OR2M4: variants seen among roughly 807,000 people sequenced by gnomAD.
OR2M4 encodes olfactory receptor 2M4.
OR2M4 carries 8 observed loss-of-function variants against 13.7 expected under a neutral mutation model. The observed-to-expected ratio is 0.58, with a 90% confidence interval of 0.34 to 1.05. The LOEUF is 1.05. OR2M4 is among the 50% of genes least tolerant of loss of function. The pLI, the probability that OR2M4 is intolerant of heterozygous loss-of-function variation, is 0.02. For synonymous variants in OR2M4, 152 were observed against 141.3 expected (o/e 1.08, Z -0.53); for missense variants, 374 against 381.6 (o/e 0.98, Z 0.17).
At chr1:248,236,777 C>G (rs1410018398) in intron 1 of OR2M4, among the ~76,000 whole-genome samples, 1 of 152,078 alleles carries the variant, frequency 6.6e-6, no homozygotes. Context: ...TCTGAGAATA[C>G]TATTAACACC....
At position 248,239,736 on chromosome 1, in the gene OR2M4, C is replaced by G. The variant is rs1232482703; in HGVS notation, c.808C>G (p.Gln270Glu). ...MRPASKHTPDQDKMVSAFYTI... is the reference protein window; with the variant it reads ...MRPASKHTPDEDKMVSAFYTI... ...ACCAGCTTCTAAACATACGCCAGAC[C>G]AGGACAAGATGGTGTCGGCCTTCTA... The change falls in exon 2 of 2, where the codon CAG becomes GAG. Residue 270 changes from glutamine to glutamate, a missense_variant. Coordinates refer to ENST00000641868, the MANE Select transcript of OR2M4 (RefSeq NM_017504.2). 2 of 1,614,068 alleles carry G rather than the reference C, an allele frequency of 1.2e-6. No individual in the cohort carries two copies. The highest frequency in any genetic ancestry group is 3.3e-5 in the Admixed American group (2 of 60,006).
At position 248,239,768 on chromosome 1, in the gene OR2M4, T is replaced by C; in HGVS notation, c.840T>C (p.Ile280=). ...QDKMVSAFYT[I]LTPMLNPLIY... is the part of the protein sequence containing the mutation. ...AGATGGTGTCGGCCTTCTACACTAT[T>C]CTCACCCCTATGCTGAACCCTCTCA... Residue 280 remains isoleucine, a synonymous_variant, in exon 2 of 2, where the codon ATT becomes ATC. Transcript: ENST00000641868. The C allele has an allele frequency of 6.2e-7, 1 of 1,614,100 alleles. No homozygotes were observed. Among genetic ancestry groups the C allele is most frequent in the Non-Finnish European group, 8.5e-7 (1 of 1,180,006 alleles).
intron 1 of OR2M4, among the ~76,000 whole-genome samples, chr1:248,234,987 G>A (rs113890241): frequency 0.034 from 5,227 of 152,088 alleles, 259 homozygotes; most frequent in African/African-American, 0.11. Flanking sequence ...TTATTTTGCT[G>A]TGCAGAAGCC....
rs966552921 is a variant in OR2M4, at chr1:248,242,106, G to T, written c.*2242G>T. ...GCAGAATATATGTGTCGTGGGTACAGTTGCTCAATTTATTCAATTTATACT... is the reference window on the plus strand; with the variant it reads ...GCAGAATATATGTGTCGTGGGTACATTTGCTCAATTTATTCAATTTATACT... On this transcript the variant is annotated 3_prime_UTR_variant, in exon 2 of 2. Coordinates refer to ENST00000641868, the MANE Select transcript of OR2M4 (RefSeq NM_017504.2). 1.3e-5 allele frequency: 2 copies of T among 152,088 alleles called. No individual in the cohort carries two copies. Among genetic ancestry groups the T allele is most frequent in the African/African-American group, 2.4e-5 (1 of 41,398 alleles). 9.4% of individuals were successfully genotyped at this position (152,088 alleles called of 1,614,324 possible). A position where few individuals can be genotyped will look rare whatever the true frequency, so the allele number is the denominator to read the frequency against.
Position 248,239,197 on chromosome 1 carries a change from A to C in OR2M4, c.269A>C (p.Lys90Thr). The C allele has an allele frequency of 6.2e-7, 1 of 1,614,168 alleles. No individual in the cohort carries two copies. Among genetic ancestry groups the C allele is most frequent in the Admixed American group, 1.7e-5 (1 of 60,022 alleles). The change falls in exon 2 of 2, where the codon AAA (lysine) becomes ACA (threonine). Residue 90 changes from lysine (K) to threonine (T), a missense_variant. Lys to Thr is a moderately conservative substitution (Grantham distance 78). Coordinates refer to ENST00000641868, the MANE Select transcript of OR2M4 (RefSeq NM_017504.2). Reference protein sequence around the residue: ...KMIFSYLSGKKSISLAGCGTQ... With the variant: ...KMIFSYLSGKTSISLAGCGTQ... The stretch of plus-strand genomic sequence containing the variant: ...ATCTTCAGCTACTTGTCTGGGAAGA[A>C]ATCTATCTCTCTGGCAGGTTGTGGA...
In OR2M4 at chr1:248,239,433, T is replaced by A; in HGVS notation, c.505T>A (p.Cys169Ser). The A allele has an allele frequency of 6.2e-7, 1 of 1,614,180 alleles. No homozygotes were observed. The highest frequency in any genetic ancestry group is 8.5e-7 in the Non-Finnish European group (1 of 1,180,024). ...VLAAVLSFSY[C>S]SSLEIHHFFC... ...TGCAGCTGTCCTGTCATTTTCTTAC[T>A]GCAGCTCTCTGGAAATTCATCACTT... The change falls in exon 2 of 2, where the codon TGC (cysteine) becomes AGC (serine). Residue 169 changes from cysteine to serine, a missense_variant. Cys to Ser is a moderately radical substitution (Grantham distance 112, BLOSUM62 -1). Coordinates refer to ENST00000641868, the MANE Select transcript of OR2M4 (RefSeq NM_017504.2).
rs377184375 is a variant in OR2M4 at position 248,239,357 on chromosome 1, C to T, written c.429C>T (p.Phe143=). 25 of 1,614,086 alleles carry T rather than the reference C, an allele frequency of 1.5e-5. No homozygotes were observed. The East Asian group carries it at 3.1e-4, about 20-fold the overall frequency. The change falls in exon 2 of 2, where the codon TTC becomes TTT. Residue 143 remains phenylalanine (F), a synonymous_variant. Transcript: ENST00000641868. The stretch of plus-strand genomic sequence containing the variant: ...TCATGAATCCGAAACTCTGTGTCTT[C>T]ATGACTGTTGCTTCCTGGACCTTGG... ...TILMNPKLCV[F]MTVASWTLGS...
Position 248,242,191 on chromosome 1 carries a change from A to G in OR2M4, c.*2327A>G, listed in dbSNP as rs1441980250. 1 of 152,184 alleles carries G rather than the reference A, an allele frequency of 6.6e-6. No individual in the cohort carries two copies. The highest frequency in any genetic ancestry group is 1.5e-5 in the Non-Finnish European group (1 of 68,040). The allele number at this position is 152,184 out of a possible 1,614,324, so 9.4% of individuals were successfully genotyped here. A position where few individuals can be genotyped will look rare whatever the true frequency, so the allele number is the denominator to read the frequency against. On this transcript the variant is annotated 3_prime_UTR_variant, in exon 2 of 2. Coordinates refer to ENST00000641868, the MANE Select transcript of OR2M4 (RefSeq NM_017504.2). ...TTATTAATTCAATTAATTAAATTTTATAATACAAAACAGTGAATTTAATGA... is the reference window on the plus strand; with the variant it reads ...TTATTAATTCAATTAATTAAATTTTGTAATACAAAACAGTGAATTTAATGA...
In OR2M4 at chr1:248,239,721, A is replaced by C; in HGVS notation, c.793A>C (p.Lys265Gln). ...GTTCATGTACATGAGACCAGCTTCT[A>C]AACATACGCCAGACCAGGACAAGAT... ...AMFMYMRPAS[K>Q]HTPDQDKMVS... Residue 265 changes from lysine (K) to glutamine (Q), a missense_variant, in exon 2 of 2, where the codon AAA becomes CAA. Physicochemically the swap from Lys to Gln is moderately conservative, Grantham distance 53. Transcript: ENST00000641868. The C allele has an allele frequency of 6.2e-7, 1 of 1,614,076 alleles. No individual in the cohort carries two copies. The highest frequency in any genetic ancestry group is 8.5e-7 in the Non-Finnish European group (1 of 1,180,014).
At chr1:248,234,098 T>C (rs1035398168) in intron 1 of OR2M4, among the ~76,000 whole-genome samples, 13 of 152,146 alleles carry the variant, frequency 8.5e-5, no homozygotes, top group Admixed American at 3.3e-4. Context: ...TTTACTTCAC[T>C]TCACATCTTT....
Position 248,239,134 on chromosome 1 carries a change from T to G in OR2M4, c.206T>G (p.Met69Arg), listed in dbSNP as rs754889964. Residue 69 changes from methionine to arginine, a missense_variant, in exon 2 of 2, where the codon ATG becomes AGG. Physicochemically the swap from Met to Arg is moderately conservative, Grantham distance 91. Transcript: ENST00000641868. ...TTCCTCCTCAGTCAACTGTCCCTTA[T>G]GGACCTCATGCTCATCTGCACCACT... is the stretch of plus-strand genomic sequence containing the variant. The part of the protein sequence containing the change: ...MYFLLSQLSL[M>R]DLMLICTTLP... 9 of 1,614,062 alleles carry G rather than the reference T, an allele frequency of 5.6e-6. No homozygotes were observed. The South Asian group carries it at 8.8e-5, about 16-fold the overall frequency.
At chr1:248,235,408 C>G (rs958079573) in intron 1 of OR2M4, among the ~76,000 whole-genome samples, 7 of 152,072 alleles carry the variant, frequency 4.6e-5, no homozygotes, top group African/African-American at 1.4e-4. Context: ...ATTGCTGTAG[C>G]CTTGTAGTAA....
At chr1:248,238,179 A>G (rs1342445972) in intron 1 of OR2M4, among the ~76,000 whole-genome samples, 1 of 152,234 alleles carries the variant, frequency 6.6e-6, no homozygotes, top group Non-Finnish European at 1.5e-5. Flanking sequence ...GAAACAAAAC[A>G]AGCAAATAAA....
At chr1:248,232,176 G>A (rs1351036826) in intron 1 of OR2M4, among the ~76,000 whole-genome samples, 1 of 152,046 alleles carries the variant, frequency 6.6e-6, no homozygotes, top group African/African-American at 2.4e-5. Flanking sequence ...ATAAAATTCT[G>A]ACAATCAATG....
intron 1 of OR2M4, among the ~76,000 whole-genome samples, chr1:248,237,349 G>A (rs1019261776): frequency 2.0e-5 from 3 of 151,888 alleles, no homozygotes; most frequent in South Asian, 2.1e-4. Flanking sequence ...ATCCAACATC[G>A]CTTCGTGTTA....
rs957205754 is a variant in OR2M4 at position 248,234,771 on chromosome 1, CT to C, written c.-20+3202del. Among the ~76,000 whole-genome samples, 161 of 140,704 alleles carry C rather than the reference CT, an allele frequency of 1.1e-3. 3 individuals carry two copies. Among genetic ancestry groups the C allele is most frequent in the Middle Eastern group, 3.6e-3 (1 of 278 alleles). The allele number at this position is 140,704 out of a possible 152,430, so 92.3% of individuals were successfully genotyped here. On this transcript the variant is annotated intron_variant, in intron 1 of 1. Transcript: ENST00000641868. ...TCTCTAATGATCAGTGATGTTGAGCCTTTTTTTTTTTAATAGGTATGTTGGG... is the reference window on the plus strand; with the variant it reads ...TCTCTAATGATCAGTGATGTTGAGCCTTTTTTTTTTAATAGGTATGTTGGG...
At position 248,244,124 on chromosome 1, in the gene OR2M4, T is replaced by C. The variant is rs1388886206; in HGVS notation, c.*4260T>C. The C allele has an allele frequency of 6.6e-6, 1 of 152,180 alleles. No homozygotes were observed. Among genetic ancestry groups the C allele is most frequent in the Non-Finnish European group, 1.5e-5 (1 of 68,030 alleles). 9.4% of individuals were successfully genotyped at this position (152,180 alleles called of 1,614,324 possible). On this transcript the variant is annotated 3_prime_UTR_variant, in exon 2 of 2. Coordinates refer to ENST00000641868, the MANE Select transcript of OR2M4 (RefSeq NM_017504.2). ...GGAATGTAAATTATAGTTGAGCCACTGTGGAAAGCAGTTTGGAGATTTCTC... is the reference window on the plus strand; with the variant it reads ...GGAATGTAAATTATAGTTGAGCCACCGTGGAAAGCAGTTTGGAGATTTCTC...
rs949327573 is a variant in OR2M4, at chr1:248,239,617, C to T, written c.689C>T (p.Ser230Phe). 3.7e-6 allele frequency: 6 copies of T among 1,614,018 alleles called. No individual in the cohort carries two copies. In the African/African-American group the frequency reaches 8.0e-5, roughly 22 times the overall value. ...HVLRAVIHMG[S>F]GESRRKAFTT... ...CTTCGAGCCGTCATCCACATGGGCT[C>T]TGGGGAAAGTCGTCGCAAGGCCTTC... is the stretch of plus-strand genomic sequence containing the variant. Residue 230 changes from serine to phenylalanine, a missense_variant, in exon 2 of 2, where the codon TCT becomes TTT. Coordinates refer to ENST00000641868, the MANE Select transcript of OR2M4 (RefSeq NM_017504.2).
At position 248,241,020 on chromosome 1, in the gene OR2M4, G is replaced by A. The variant is rs74155243; in HGVS notation, c.*1156G>A. 0.019 allele frequency: 2,965 copies of A among 152,326 alleles called. 98 individuals are homozygous for A. Among genetic ancestry groups the A allele is most frequent in the African/African-American group, 0.068 (2,823 of 41,534 alleles). 9.4% of individuals were successfully genotyped at this position (152,326 alleles called of 1,614,324 possible). ...ACCTTGACACTGAGGGCTAAAATGC[G>A]CTGAGGCTCTAAGTAAACTTAAAAG... On this transcript the variant is annotated 3_prime_UTR_variant, in exon 2 of 2. Transcript: ENST00000641868.
Sources: gnomAD v4.1 joint callset for allele counts (sites outside exome capture counted in the v4.1 genomes callset) on GRCh38, gnomAD v4.1.1 for gene constraint, MANE v1.5 for transcripts, NCBI Gene and HGNC (gene_info 2026-07-23, HGNC 2026-07-21) for gene names.